The following RNF212B variants were observed in gnomAD, a reference collection of about 807,000 sequenced individuals.
The protein encoded by RNF212B is E3 ubiquitin-protein ligase RNF212B.
In RNF212B, 52 loss-of-function variants were observed where a neutral mutation model predicts 55.5. The ratio of observed to expected loss-of-function variants is 0.94; its 90% confidence interval spans 0.75 to 1.18. The LOEUF is 1.18. RNF212B is among the 50% of genes most tolerant of loss of function. The pLI is 0.00. For synonymous variants in RNF212B, 99 were observed against 121.4 expected (o/e 0.82, Z 1.21); for missense variants, 289 against 350.4 (o/e 0.82, Z 1.40).
At chr14:23,244,774 C>CA (rs1244162907) in intron 4 of RNF212B, among the ~76,000 whole-genome samples, 2 of 152,208 alleles carry the variant, frequency 1.3e-5, no homozygotes, top group Non-Finnish European at 2.9e-5. Flanking sequence ...GTTTAACTTG[C>CA]AACCAGTAGT....
chr14:23,267,879 A>AT (rs1885814840), intron 11 of RNF212B, among the ~76,000 whole-genome samples: 1 of 152,146 alleles, frequency 6.6e-6, no homozygotes, highest in Admixed American at 6.5e-5. Flanking sequence ...TAGACTGTGC[A>AT]TAGTTGGACT....
At chr14:23,262,117 C>T (rs1247204822) in intron 7 of RNF212B, among the ~76,000 whole-genome samples, 1 of 152,056 alleles carries the variant, frequency 6.6e-6, no homozygotes, top group Non-Finnish European at 1.5e-5. Flanking sequence ...TTCTTTTGTC[C>T]TTCTATACTT....
intron 1 of RNF212B, among the ~76,000 whole-genome samples, chr14:23,188,569 T>A (rs1041839516): frequency 2.0e-5 from 3 of 151,634 alleles, no homozygotes. Flanking sequence ...TGGGTTCAAG[T>A]GATCCTCCTG....
chr14:23,271,852 T>G (rs1886109819), intron 14 of RNF212B, among the ~76,000 whole-genome samples: 2 of 152,234 alleles, frequency 1.3e-5, no homozygotes, highest in African/African-American at 4.8e-5. Flanking sequence ...TGAACAAAAT[T>G]ATCTATTGGA....
Position 23,269,972 on chromosome 14 carries a change from A to T in RNF212B, c.772+12A>T. ...CCCCAACAATTTTGGTAAGTTAAAT[A>T]ACATTTCCAAAGGAATGGAGCTTCA... On this transcript the variant is annotated intron_variant, in intron 13 of 14. Transcript: ENST00000430154. 7.3e-7 allele frequency: 1 copy of T among 1,376,194 alleles called. No homozygotes were observed. The highest frequency in any genetic ancestry group is 1.0e-6 in the Non-Finnish European group (1 of 988,342). The allele number at this position is 1,376,194 out of a possible 1,614,324, so 85.2% of individuals were successfully genotyped here.
chr14:23,253,192 G>A (rs1029018893), intron 4 of RNF212B, among the ~76,000 whole-genome samples: 11 of 151,884 alleles, frequency 7.2e-5, no homozygotes, highest in Admixed American at 7.2e-4. Context: ...ACCACATCAT[G>A]CTAAAATAAC....
At chr14:23,250,544 A>T (rs35862886) in intron 4 of RNF212B, among the ~76,000 whole-genome samples, 3 of 151,262 alleles carry the variant, frequency 2.0e-5, no homozygotes, top group African/African-American at 4.9e-5. Context: ...ATATCTTGTA[A>T]GTACTTGTGT....
intron 2 of RNF212B, 134 bp downstream of exon 2, chr14:23,240,579 C>A: frequency 1.8e-6 from 1 of 541,698 alleles, no homozygotes; most frequent in Non-Finnish European, 3.2e-6. Flanking sequence ...CTGTAGGAAA[C>A]TGTCAATTTT....
At chr14:23,258,690 G>T in intron 5 of RNF212B, 26 bp downstream of exon 5, 14 of 859,324 alleles carry the variant, frequency 1.6e-5, no homozygotes, top group Non-Finnish European at 2.0e-5. Flanking sequence ...AGTCCCAAGA[G>T]AGCTTTTTTT....
chr14:23,248,803 C>T (rs1245264708), intron 4 of RNF212B, among the ~76,000 whole-genome samples: 3 of 152,294 alleles, frequency 2.0e-5, no homozygotes, highest in South Asian at 2.1e-4. Flanking sequence ...ATGACATAAT[C>T]ACCTCCTAAA....
chr14:23,259,164 G>A (rs755944227), intron 5 of RNF212B, among the ~76,000 whole-genome samples: 10 of 150,938 alleles, frequency 6.6e-5, no homozygotes, highest in Admixed American at 2.0e-4. Flanking sequence ...ACACTCCAGC[G>A]TGGGTGAAAA....
At chr14:23,265,020 C>T (rs894384513) in intron 11 of RNF212B, among the ~76,000 whole-genome samples, 1 of 152,126 alleles carries the variant, frequency 6.6e-6, no homozygotes, top group Admixed American at 6.5e-5. Context: ...GGGGTTTCAT[C>T]GTGTTGCCCA....
chr14:23,270,709 T>A, intron 14 of RNF212B, 48 bp downstream of exon 14: 1 of 1,297,180 alleles, frequency 7.7e-7, no homozygotes, highest in Non-Finnish European at 1.1e-6. Flanking sequence ...TCTCACATGG[T>A]TAGGCCTGCA....
At chr14:23,217,256 G>C (rs200197774) in intron 2 of RNF212B, among the ~76,000 whole-genome samples, 2 of 18,970 alleles carry the variant, frequency 1.1e-4, no homozygotes, top group African/African-American at 3.5e-4. Flanking sequence ...TGGCAGTGGT[G>C]GGGGGGGGGC....
intron 4 of RNF212B, among the ~76,000 whole-genome samples, chr14:23,251,813 T>TTAAA (rs1884424642): frequency 1.5e-5 from 1 of 68,432 alleles, no homozygotes; most frequent in Admixed American, 1.2e-4. Flanking sequence ...AGACTCTGTC[T>TTAAA]CAAAAAAAAA....
At chr14:23,261,940 C>A (rs1017467913) in intron 7 of RNF212B, among the ~76,000 whole-genome samples, 1 of 151,948 alleles carries the variant, frequency 6.6e-6, no homozygotes, top group Non-Finnish European at 1.5e-5. Context: ...TGCACTCCAG[C>A]CTGGGTGACA....
chr14:23,217,866 A>G (rs1326726093), intron 2 of RNF212B, among the ~76,000 whole-genome samples: 1 of 152,116 alleles, frequency 6.6e-6, no homozygotes, highest in Non-Finnish European at 1.5e-5. Context: ...CCAGGGAGAC[A>G]TGACCTCATC....
intron 14 of RNF212B, among the ~76,000 whole-genome samples, chr14:23,272,133 G>C (rs942519738): frequency 4.6e-4 from 70 of 152,190 alleles, no homozygotes; most frequent in African/African-American, 1.7e-3. Context: ...TTTTGAAAAT[G>C]TGGGCCAGGC....
intron 1 of RNF212B, among the ~76,000 whole-genome samples, chr14:23,239,312 G>A (rs142737404): frequency 5.7e-4 from 87 of 152,190 alleles, no homozygotes; most frequent in African/African-American, 1.7e-3. Context: ...CACCCACCTC[G>A]GCCTCCCAAA....
Sources: allele counts gnomAD v4.1 joint callset (sites outside exome capture counted in the v4.1 genomes callset), GRCh38; gene constraint gnomAD v4.1.1; transcripts MANE v1.5; gene names NCBI Gene and HGNC (gene_info 2026-07-23, HGNC 2026-07-21).